The following SGCD variants were observed in gnomAD, a reference collection of about 807,000 sequenced individuals.
SGCD encodes sarcoglycan delta.
A neutral mutation model predicts 36.6 loss-of-function variants in SGCD; 18 were observed. The ratio of observed to expected loss-of-function variants is 0.49; its 90% CI spans 0.34 to 0.73. The LOEUF (loss-of-function observed/expected upper bound fraction) is 0.73. Among genes scored for constraint, SGCD ranks in the 30% least tolerant of loss-of-function variants. SGCD has a pLI of 0.01. For missense variants in SGCD, 387 were observed against 346.7 expected, an observed-to-expected ratio of 1.12 and a Z score of -0.92; for synonymous variants, 133 against 130.6, an observed-to-expected ratio of 1.02 and a Z score of -0.12.
intron 3 of SGCD, among the ~76,000 whole-genome samples, chr5:156,469,344 C>T (rs530004394): frequency 1.3e-5 from 2 of 152,324 alleles, no homozygotes; most frequent in Admixed American, 1.3e-4. Flanking sequence ...TTGAGGGCAT[C>T]TGCCATAGCC....
At chr5:155,993,081 C>T (rs988614568) in intron 1 of SGCD, among the ~76,000 whole-genome samples, 2 of 152,124 alleles carry the variant, frequency 1.3e-5, no homozygotes, top group Admixed American at 1.3e-4. Flanking sequence ...TCCAAACCAG[C>T]CAATCCTAAG....
intron 7 of SGCD, among the ~76,000 whole-genome samples, chr5:156,666,766 G>C (rs1660720353): frequency 6.6e-6 from 1 of 151,974 alleles, no homozygotes; most frequent in Non-Finnish European, 1.5e-5. Context: ...TAAGGTCATA[G>C]ATTAACAGAA....
chr5:156,490,249 G>A (rs546387612), intron 3 of SGCD, among the ~76,000 whole-genome samples: 5 of 152,122 alleles, frequency 3.3e-5, no homozygotes, highest in Non-Finnish European at 5.9e-5. Context: ...CCCAGGACGA[G>A]ATGCCTTTAC....
At position 156,761,621 on chromosome 5, in the gene SGCD, G is replaced by C. The variant is rs1057059941; in HGVS notation, c.*2231G>C. ...ATTTGTGGCTAGATAGGTTAAGACAGGTGATTTTTTAAAGTAGACTGTCTT... is the reference window on the plus strand; with the variant it reads ...ATTTGTGGCTAGATAGGTTAAGACACGTGATTTTTTAAAGTAGACTGTCTT... On this transcript the variant is annotated 3_prime_UTR_variant, in exon 9 of 9. Coordinates refer to ENST00000337851, the MANE Select transcript of SGCD (RefSeq NM_000337.6). 2.0e-5 allele frequency: 3 copies of C among 152,126 alleles called. No individual in the cohort carries two copies. Among genetic ancestry groups the C allele is most frequent in the African/African-American group, 7.2e-5 (3 of 41,412 alleles). 9.4% of individuals were successfully genotyped at this position (152,126 alleles called of 1,614,324 possible).
chr5:155,946,703 T>G (rs1333584133), intron 1 of SGCD, among the ~76,000 whole-genome samples: 2 of 152,180 alleles, frequency 1.3e-5, no homozygotes, highest in Non-Finnish European at 2.9e-5. Flanking sequence ...AATAATCTTG[T>G]GAAATTCCTC....
At chr5:155,904,929 T>A (rs1281878969) in intron 1 of SGCD, among the ~76,000 whole-genome samples, 2 of 152,134 alleles carry the variant, frequency 1.3e-5, no homozygotes, top group African/African-American at 4.8e-5. Flanking sequence ...AGCATGACAA[T>A]CTCCTTCTGT....
chr5:156,567,263 G>A (rs942901786), intron 4 of SGCD, among the ~76,000 whole-genome samples: 2 of 150,672 alleles, frequency 1.3e-5, no homozygotes, highest in South Asian at 4.3e-4. Flanking sequence ...TCCAGAGAAA[G>A]AGAACCAATA....
intron 1 of SGCD, among the ~76,000 whole-genome samples, chr5:155,988,522 A>G (rs1392636598): frequency 6.6e-6 from 1 of 152,162 alleles, no homozygotes; most frequent in Non-Finnish European, 1.5e-5. Context: ...ACAGATAGAC[A>G]ACTAATAGTG....
At chr5:155,969,476 G>A (rs4704898) in intron 1 of SGCD, among the ~76,000 whole-genome samples, 1,267 of 93,856 alleles carry the variant, frequency 0.013, 22 homozygotes, top group African/African-American at 0.033. Context: ...TCAAGTTTTG[G>A]ATCATCTCCC....
At chr5:156,441,334 A>C (rs2312181) in intron 3 of SGCD, among the ~76,000 whole-genome samples, 70,748 of 150,670 alleles carry the variant, frequency 0.47, 17,870 homozygotes, top group Middle Eastern at 0.66. Context: ...TGAGCAAATT[A>C]ACATATGTCT....
At chr5:155,842,023 A>G in the SGCD span, among the ~76,000 whole-genome samples, 86 of 152,226 alleles carry the variant, frequency 5.6e-4, no homozygotes, top group African/African-American at 8.9e-4. Context: ...TGTCACTAGG[A>G]GCTTGGGCTG....
At chr5:156,670,966 G>A (rs1753264306) in intron 7 of SGCD, among the ~76,000 whole-genome samples, 1 of 151,768 alleles carries the variant, frequency 6.6e-6, no homozygotes, top group African/African-American at 2.4e-5. Flanking sequence ...CCTTTTCTTA[G>A]TTGTATTTCT....
the SGCD span, among the ~76,000 whole-genome samples, chr5:155,735,142 C>A: frequency 5.3e-5 from 8 of 152,130 alleles, no homozygotes; most frequent in Non-Finnish European, 8.8e-5. Context: ...TCCTTAAATG[C>A]TAAAAGAAAA....
At chr5:156,590,442 C>T (rs959012614) in intron 5 of SGCD, among the ~76,000 whole-genome samples, 12 of 152,112 alleles carry the variant, frequency 7.9e-5, no homozygotes, top group Admixed American at 3.9e-4. Flanking sequence ...GTTGTTTCAG[C>T]GTGTGACTGG....
At chr5:156,257,672 T>G (rs1326556207) in intron 3 of SGCD, among the ~76,000 whole-genome samples, 1 of 152,094 alleles carries the variant, frequency 6.6e-6, no homozygotes, top group East Asian at 1.9e-4. Context: ...GAGACTAGCC[T>G]GGCCAACATG....
intron 1 of SGCD, among the ~76,000 whole-genome samples, chr5:156,113,633 A>G (rs1217187401): frequency 6.6e-6 from 1 of 152,226 alleles, no homozygotes. Context: ...TACTTTTACC[A>G]TATGATACAG....
At chr5:156,675,343 A>G (rs1180812581) in intron 7 of SGCD, among the ~76,000 whole-genome samples, 2 of 152,236 alleles carry the variant, frequency 1.3e-5, no homozygotes, top group Non-Finnish European at 2.9e-5. Context: ...ATTGTTACTT[A>G]TTCTTGAGAA....
chr5:156,444,141 T>C (rs1753653643), intron 3 of SGCD, among the ~76,000 whole-genome samples: 1 of 100,190 alleles, frequency 1.0e-5, no homozygotes, highest in African/African-American at 3.4e-5. Context: ...TCTCTCTCCT[T>C]CCCTTTCTCT....
the SGCD span, among the ~76,000 whole-genome samples, chr5:155,733,766 T>C: frequency 6.6e-6 from 1 of 152,136 alleles, no homozygotes; most frequent in Non-Finnish European, 1.5e-5. Context: ...GGTCAAGGCC[T>C]ACCCTCACCT....
Sources: allele counts gnomAD v4.1 joint callset (sites outside exome capture counted in the v4.1 genomes callset), GRCh38; gene constraint gnomAD v4.1.1; transcripts MANE v1.5; gene names NCBI Gene and HGNC (gene_info 2026-07-23, HGNC 2026-07-21).